The following LRMDA variants were observed in gnomAD, a reference collection of about 807,000 sequenced individuals.
The protein encoded by LRMDA is leucine rich melanocyte differentiation associated.
A neutral mutation model predicts 29.8 loss-of-function variants in LRMDA; 18 were observed. The observed-to-expected ratio is 0.60, with a 90% CI of 0.42 to 0.90. The LOEUF (loss-of-function observed/expected upper bound fraction) is 0.90, where lower values mean the gene tolerates loss of function less well. Among genes scored for constraint, LRMDA ranks in the 40% least tolerant of loss-of-function variants. The probability of loss-of-function intolerance (pLI) is 0.00; values close to 1 mark genes in which losing one functional copy is unlikely to be tolerated. For missense variants in LRMDA, 273 were observed against 273.9 expected, an observed-to-expected ratio of 1.00 and a Z score of 0.02; for synonymous variants, 125 against 109.4, an observed-to-expected ratio of 1.14 and a Z score of -0.89.
At chr10:76,300,163 A>G (rs1019365648) in intron 5 of LRMDA, among the ~76,000 whole-genome samples, 6 of 152,242 alleles carry the variant, frequency 3.9e-5, no homozygotes, top group African/African-American at 1.2e-4. Flanking sequence ...ACCTATGAAC[A>G]TATTTGATTG....
At chr10:76,316,236 G>A (rs1354801009) in intron 5 of LRMDA, among the ~76,000 whole-genome samples, 2 of 152,288 alleles carry the variant, frequency 1.3e-5, no homozygotes, top group Non-Finnish European at 1.5e-5. Flanking sequence ...GGTTCCTGGC[G>A]TCTCCCAGCT....
At chr10:75,437,087 A>G (rs1392528740) in intron 1 of LRMDA, among the ~76,000 whole-genome samples, 1 of 152,208 alleles carries the variant, frequency 6.6e-6, no homozygotes, top group Non-Finnish European at 1.5e-5. Context: ...GAGAGTGGAT[A>G]TAGGATATTG....
chr10:75,432,615 A>C (rs753504328), intron 1 of LRMDA, among the ~76,000 whole-genome samples: 18 of 152,174 alleles, frequency 1.2e-4, no homozygotes, highest in Non-Finnish European at 1.8e-4. Context: ...CACACCCTGG[A>C]GAAATAGTTC....
At chr10:75,978,514 G>A (rs1396877004) in intron 2 of LRMDA, among the ~76,000 whole-genome samples, 4 of 152,180 alleles carry the variant, frequency 2.6e-5, no homozygotes, top group Admixed American at 2.6e-4. Context: ...GCCACAGCTA[G>A]CTGAAAGGAA....
intron 2 of LRMDA, among the ~76,000 whole-genome samples, chr10:76,014,141 T>TAAA (rs1159809403): frequency 8.3e-5 from 8 of 96,714 alleles, no homozygotes; most frequent in Middle Eastern, 4.7e-3. Flanking sequence ...TATATATATA[T>TAAA]ATAATTATAT....
chr10:76,412,927 C>G (rs1013166083), intron 6 of LRMDA, among the ~76,000 whole-genome samples: 4 of 152,050 alleles, frequency 2.6e-5, no homozygotes, highest in Non-Finnish European at 5.9e-5. Flanking sequence ...TTCTTCACTC[C>G]TAGTCCCCTG....
intron 5 of LRMDA, among the ~76,000 whole-genome samples, chr10:76,221,482 A>C (rs1851834685): frequency 6.6e-6 from 1 of 152,226 alleles, no homozygotes; most frequent in Non-Finnish European, 1.5e-5. Flanking sequence ...CCAATAACAG[A>C]CAGAGAGCTA....
At chr10:76,376,526 A>C (rs1466601614) in intron 6 of LRMDA, among the ~76,000 whole-genome samples, 1 of 152,212 alleles carries the variant, frequency 6.6e-6, no homozygotes, top group African/African-American at 2.4e-5. Context: ...TACTGTGATA[A>C]ACATACAAGT....
chr10:76,358,842 A>G (rs1841274519), intron 6 of LRMDA, among the ~76,000 whole-genome samples: 1 of 152,194 alleles, frequency 6.6e-6, no homozygotes. Flanking sequence ...AGCTGTCTGG[A>G]TGCACATAGT....
chr10:75,967,020 A>G (rs1057000272), intron 2 of LRMDA, among the ~76,000 whole-genome samples: 2 of 152,214 alleles, frequency 1.3e-5, no homozygotes, highest in Non-Finnish European at 2.9e-5. Flanking sequence ...GATCAGGCAT[A>G]TGGTAGGGAC....
intron 2 of LRMDA, among the ~76,000 whole-genome samples, chr10:75,893,492 T>A (rs1845529969): frequency 6.6e-6 from 1 of 152,168 alleles, no homozygotes; most frequent in Non-Finnish European, 1.5e-5. Context: ...AGAATAATGC[T>A]TAGTATTAGT....
At chr10:76,432,278 C>A (rs1378101245) in intron 6 of LRMDA, among the ~76,000 whole-genome samples, 1 of 152,094 alleles carries the variant, frequency 6.6e-6, no homozygotes, top group Non-Finnish European at 1.5e-5. Flanking sequence ...TGCCATAGAT[C>A]TCCACAGAGC....
At chr10:75,662,667 T>G (rs1841769320) in intron 2 of LRMDA, among the ~76,000 whole-genome samples, 1 of 152,232 alleles carries the variant, frequency 6.6e-6, no homozygotes, top group South Asian at 2.1e-4. Context: ...TAAGAAAATA[T>G]TTCATCAGTG....
At chr10:76,504,624 T>C (rs954538063) in intron 6 of LRMDA, among the ~76,000 whole-genome samples, 2 of 152,096 alleles carry the variant, frequency 1.3e-5, no homozygotes, top group Non-Finnish European at 2.9e-5. Context: ...GATATAAGAA[T>C]AGTGAGTAGT....
chr10:75,860,317 T>G (rs1844904607), intron 2 of LRMDA, among the ~76,000 whole-genome samples: 2 of 141,720 alleles, frequency 1.4e-5, no homozygotes, highest in Admixed American at 7.0e-5. Context: ...TCTGGTTTTT[T>G]TTTTTTTTTT....
At chr10:75,926,148 T>C (rs1212745424) in intron 2 of LRMDA, among the ~76,000 whole-genome samples, 1 of 152,180 alleles carries the variant, frequency 6.6e-6, no homozygotes, top group East Asian at 1.9e-4. Context: ...GGAGTCCTGT[T>C]GTGCCTCTAT....
At chr10:75,856,820 A>T (rs1434289177) in intron 2 of LRMDA, among the ~76,000 whole-genome samples, 1 of 152,192 alleles carries the variant, frequency 6.6e-6, no homozygotes, top group Non-Finnish European at 1.5e-5. Context: ...TAGTGTTGGA[A>T]GTTCTGGCCA....
At chr10:76,297,712 A>G (rs1840428740) in intron 5 of LRMDA, among the ~76,000 whole-genome samples, 1 of 152,156 alleles carries the variant, frequency 6.6e-6, no homozygotes. Flanking sequence ...GACTTCTGAA[A>G]GTTATAACAA....
chr10:75,937,241 G>A (rs1846311482), intron 2 of LRMDA, among the ~76,000 whole-genome samples: 1 of 152,154 alleles, frequency 6.6e-6, no homozygotes, highest in Non-Finnish European at 1.5e-5. Context: ...TTTTATTTAT[G>A]TGAAATCATG....
Sources: allele counts gnomAD v4.1 joint callset (sites outside exome capture counted in the v4.1 genomes callset), GRCh38; gene constraint gnomAD v4.1.1; transcripts MANE v1.5; gene names NCBI Gene and HGNC (gene_info 2026-07-23, HGNC 2026-07-21).